ANKRD13C: variants seen among roughly 807,000 people sequenced by gnomAD.
The protein encoded by ANKRD13C is ankyrin repeat domain 13C, also known as ankyrin repeat domain-containing protein 13C.
In ANKRD13C, 16 loss-of-function variants were observed where a neutral mutation model predicts 65.5. The ratio of observed to expected loss-of-function variants is 0.24; its 90% confidence interval spans 0.17 to 0.37. ANKRD13C has a LOEUF of 0.37. Among genes scored for constraint, ANKRD13C ranks in the 10% least tolerant of loss-of-function variants. The pLI is 1.00. For synonymous variants in ANKRD13C, 235 were observed against 238.7 expected (o/e 0.98, Z 0.14); for missense variants, 503 against 655.9 (o/e 0.77, Z 2.55).
At chr1:70,276,739 A>C (rs778935692) in intron 10 of ANKRD13C, 26 bp downstream of exon 10, 6 of 1,517,644 alleles carry the variant, frequency 4.0e-6, no homozygotes, top group Non-Finnish European at 5.4e-6. Flanking sequence ...AAAACCAAAT[A>C]ACACATAAAC....
chr1:70,266,107 A>G (rs1049787375), intron 12 of ANKRD13C, among the ~76,000 whole-genome samples: 8 of 152,198 alleles, frequency 5.3e-5, no homozygotes, highest in Non-Finnish European at 7.3e-5. Flanking sequence ...TGGATCCCAC[A>G]GTGTTGCCCT....
At chr1:70,332,677 G>T (rs186505240) in intron 2 of ANKRD13C, among the ~76,000 whole-genome samples, 137 of 152,220 alleles carry the variant, frequency 9.0e-4, no homozygotes, top group Non-Finnish European at 1.4e-3. Context: ...TGGTGCCCAG[G>T]CTGGTCTCAA....
chr1:70,317,884 A>AT (rs57176220), intron 3 of ANKRD13C, among the ~76,000 whole-genome samples: 3 of 152,132 alleles, frequency 2.0e-5, no homozygotes, highest in Non-Finnish European at 4.4e-5. Context: ...GAGGCTACAT[A>AT]TTTTTTTATC....
At chr1:70,284,083 G>T (rs1400220006) in intron 9 of ANKRD13C, among the ~76,000 whole-genome samples, 1 of 151,472 alleles carries the variant, frequency 6.6e-6, no homozygotes, top group African/African-American at 2.4e-5. Flanking sequence ...GGAAGGAAGA[G>T]AAAAAAAAGC....
At chr1:70,337,377 C>G (rs1187008492) in intron 1 of ANKRD13C, among the ~76,000 whole-genome samples, 2 of 151,812 alleles carry the variant, frequency 1.3e-5, no homozygotes, top group Non-Finnish European at 2.9e-5. Context: ...GTCAAGAGTT[C>G]AAGACCAGCC....
chr1:70,273,372 G>C (rs1195003865), intron 11 of ANKRD13C, among the ~76,000 whole-genome samples: 1 of 152,164 alleles, frequency 6.6e-6, no homozygotes, highest in African/African-American at 2.4e-5. Context: ...TCCCACTTTA[G>C]TGAGGAGCCT....
At chr1:70,338,264 A>G (rs1217489981) in intron 1 of ANKRD13C, among the ~76,000 whole-genome samples, 1 of 152,140 alleles carries the variant, frequency 6.6e-6, no homozygotes, top group Non-Finnish European at 1.5e-5. Flanking sequence ...CAATTTTTCA[A>G]TTTTATCCAA....
chr1:70,303,001 G>A (rs1008632221), intron 6 of ANKRD13C, among the ~76,000 whole-genome samples: 3 of 152,202 alleles, frequency 2.0e-5, no homozygotes, highest in African/African-American at 7.2e-5. Flanking sequence ...GAAAAGGTGA[G>A]TAAAGAGATG....
At chr1:70,351,110 C>T (rs1435004013) in intron 1 of ANKRD13C, among the ~76,000 whole-genome samples, 1 of 152,162 alleles carries the variant, frequency 6.6e-6, no homozygotes, top group Non-Finnish European at 1.5e-5. Flanking sequence ...ACAGCAAGAG[C>T]AGATCATTCC....
chr1:70,333,825 G>A (rs954340848), intron 2 of ANKRD13C, among the ~76,000 whole-genome samples: 6 of 152,160 alleles, frequency 3.9e-5, no homozygotes, highest in African/African-American at 1.4e-4. Flanking sequence ...ATAGGAGAAT[G>A]ACTGATTCCT....
At chr1:70,351,782 T>G (rs1307279065) in intron 1 of ANKRD13C, among the ~76,000 whole-genome samples, 2 of 152,098 alleles carry the variant, frequency 1.3e-5, no homozygotes, top group Non-Finnish European at 2.9e-5. Context: ...TCTAAAAGCA[T>G]CCAGGTTAGT....
chr1:70,291,185 C>T (rs902417139), intron 9 of ANKRD13C, among the ~76,000 whole-genome samples: 4 of 152,070 alleles, frequency 2.6e-5, no homozygotes, highest in Non-Finnish European at 5.9e-5. Flanking sequence ...CATGTGTCAC[C>T]ATGCCCAGCT....
chr1:70,283,362 T>G (rs1679479629), intron 9 of ANKRD13C, among the ~76,000 whole-genome samples: 1 of 152,186 alleles, frequency 6.6e-6, no homozygotes, highest in Non-Finnish European at 1.5e-5. Context: ...CCCTCATAAT[T>G]AAATGTAAAA....
In ANKRD13C at chr1:70,296,873, C is replaced by T. The variant is rs537868564; in HGVS notation, c.922-612G>A. Among the ~76,000 whole-genome samples, 10 of 152,168 alleles carry T rather than the reference C, an allele frequency of 6.6e-5. No individual in the cohort carries two copies. In the East Asian group the frequency reaches 1.5e-3, roughly 23 times the overall value. On this transcript the variant is annotated intron_variant, in intron 7 of 12. Coordinates refer to ENST00000370944, the MANE Select transcript of ANKRD13C (RefSeq NM_030816.5). ...TGGAAAGGAATCCATAAATATCAAC[C>T]GTAATTTCTAAACTTAATGAGTAGT... is the stretch of plus-strand genomic sequence containing the variant.
At chr1:70,288,310 G>A (rs1034031533) in intron 9 of ANKRD13C, among the ~76,000 whole-genome samples, 2 of 152,130 alleles carry the variant, frequency 1.3e-5, no homozygotes, top group African/African-American at 4.8e-5. Context: ...AATGTAAAAT[G>A]AAAAACACTT....
At chr1:70,293,394 C>T (rs1245656121) in intron 8 of ANKRD13C, 2 of 180,498 alleles carry the variant, frequency 1.1e-5, no homozygotes, top group African/African-American at 4.8e-5. Flanking sequence ...CATTTCAAAA[C>T]TACATGTTCA....
chr1:70,302,683 G>A (rs868752809), intron 6 of ANKRD13C, among the ~76,000 whole-genome samples: 8 of 82,438 alleles, frequency 9.7e-5, no homozygotes, highest in Admixed American at 2.0e-4. Flanking sequence ...CCGAGATCCC[G>A]CCACTGCACT....
intron 8 of ANKRD13C, among the ~76,000 whole-genome samples, chr1:70,294,112 A>G (rs1038760888): frequency 1.3e-5 from 2 of 152,216 alleles, no homozygotes; most frequent in African/African-American, 4.8e-5. Context: ...GATTTCTACG[A>G]CATACTAAAG....
intron 7 of ANKRD13C, among the ~76,000 whole-genome samples, chr1:70,298,990 AACCCC>A (rs1357236488): frequency 6.6e-6 from 1 of 151,860 alleles, no homozygotes; most frequent in East Asian, 1.9e-4. Context: ...CAACAAAAAG[AACCCC>A]ACGCCCTTGA....
Sources: allele counts gnomAD v4.1 joint callset (sites outside exome capture counted in the v4.1 genomes callset), GRCh38; gene constraint gnomAD v4.1.1; transcripts MANE v1.5; gene names NCBI Gene and HGNC (gene_info 2026-07-23, HGNC 2026-07-21).